Variants in ADGRE5 observed in about 807,000 individuals in gnomAD.
The protein encoded by ADGRE5 is CD97 molecule.
In ADGRE5, 72 loss-of-function variants were observed where a neutral mutation model predicts 100.3. The ratio of observed to expected loss-of-function variants is 0.72; its 90% confidence interval spans 0.59 to 0.87. The LOEUF (loss-of-function observed/expected upper bound fraction) is 0.87. Ranked by LOEUF, ADGRE5 falls within the 40% of genes least tolerant of loss-of-function variation. ADGRE5 has a pLI of 0.00. For synonymous variants in ADGRE5, 439 were observed against 447.8 expected (o/e 0.98, Z 0.25); for missense variants, 959 against 1,094.7 (o/e 0.88, Z 1.75).
In ADGRE5 at chr19:14,406,949, A is replaced by C; in HGVS notation, c.2196A>C (p.Leu732Phe). Residue 732 changes from leucine (L) to phenylalanine (F), a missense_variant, in exon 17 of 20, where the codon TTA becomes TTC. Physicochemically the swap from Leu to Phe is conservative, Grantham distance 22. Coordinates refer to ENST00000242786, the MANE Select transcript of ADGRE5 (RefSeq NM_078481.4). The surrounding 1 kb of genome is among the most constrained non-coding windows in gnomAD (Gnocchi z 6.0). ...FSEINPDMKK[L>F]KKARALTITA... ...AAATCAATCCAGACATGAAGAAATT[A>C]AAGAAGGCGAGGTGAGAGGAGAGGC... 1.2e-6 allele frequency: 2 copies of C among 1,614,100 alleles called. No individual in the cohort carries two copies. Among genetic ancestry groups the C allele is most frequent in the Non-Finnish European group, 1.7e-6 (2 of 1,179,952 alleles).
intron 1 of ADGRE5, among the ~76,000 whole-genome samples, chr19:14,382,064 C>T (rs1225489383): frequency 6.6e-6 from 1 of 152,160 alleles, no homozygotes; most frequent in Non-Finnish European, 1.5e-5. Flanking sequence ...AGCTGCGGAT[C>T]GAAGGGACTT....
At chr19:14,382,917 G>A (rs1387008114) in intron 1 of ADGRE5, among the ~76,000 whole-genome samples, 1 of 151,974 alleles carries the variant, frequency 6.6e-6, no homozygotes. Context: ...TGTATTTTTA[G>A]TAGAGACGGG....
At chr19:14,393,068 G>T (rs1364998231) in intron 4 of ADGRE5, among the ~76,000 whole-genome samples, 2 of 152,080 alleles carry the variant, frequency 1.3e-5, no homozygotes, top group Non-Finnish European at 2.9e-5. Flanking sequence ...AGGCATGGTG[G>T]CCGGCATCTG....
At position 14,408,010 on chromosome 19, in the gene ADGRE5, G is replaced by C; in HGVS notation, c.2478+1G>C. The C allele has an allele frequency of 6.2e-7, 1 of 1,614,152 alleles. No homozygotes were observed. The highest frequency in any genetic ancestry group is 8.5e-7 in the Non-Finnish European group (1 of 1,179,994). On this transcript the variant is annotated splice_donor_variant, in intron 19 of 19. Transcript: ENST00000242786. LOFTEE classifies it high-confidence loss of function. Reference sequence around the variant, plus strand: ...TGGCACTGGCCACAATCAGACCCGGGTAAGGGGCTGCGCCTGGGGCGGGTG... The same window carrying C: ...TGGCACTGGCCACAATCAGACCCGGCTAAGGGGCTGCGCCTGGGGCGGGTG...
chr19:14,398,415 A>G (rs1347773860), intron 9 of ADGRE5: 7 of 409,754 alleles, frequency 1.7e-5, no homozygotes, highest in Non-Finnish European at 3.2e-5. Flanking sequence ...CACGCCTGTA[A>G]TCCCAGCACT....
In ADGRE5 at chr19:14,401,303, C is replaced by G. The variant is rs1397457659; in HGVS notation, c.898-83C>G. ...GTGCCTGTGGGTCTCCAGTGTGTCC[C>G]CTGGTAGGGGGTGACATCCAGGTCC... On this transcript the variant is annotated intron_variant, in intron 9 of 19. Coordinates refer to ENST00000242786, the MANE Select transcript of ADGRE5 (RefSeq NM_078481.4). This position sits in a 1 kb window ranked among gnomAD's most constrained non-coding sequence, Gnocchi z 4.1. 3 of 1,249,956 alleles carry G rather than the reference C, an allele frequency of 2.4e-6. No individual in the cohort carries two copies. The Admixed American group carries it at 6.8e-5, about 28-fold the overall frequency. 77.4% of individuals were successfully genotyped at this position (1,249,956 alleles called of 1,614,324 possible). A position where few individuals can be genotyped will look rare whatever the true frequency, so the allele number is the denominator to read the frequency against.
rs988431351 is a variant in ADGRE5 at position 14,381,498 on chromosome 19, T to A, written c.-26T>A. The A allele has an allele frequency of 7.5e-6, 12 of 1,609,910 alleles. No homozygotes were observed. In the African/African-American group the frequency reaches 1.6e-4, roughly 22 times the overall value. ...GCCCTGTCCCACTCACTCTTTCCCC[T>A]GCCGCTCCTGCCGGCAGCTCCAACC... On this transcript the variant is annotated 5_prime_UTR_variant, in exon 1 of 20. Transcript: ENST00000242786.
chr19:14,402,672 C>T lies in ADGRE5; in HGVS notation c.1259C>T (p.Ser420Phe), dbSNP rs768411293. Residue 420 changes from serine (S) to phenylalanine (F), a missense_variant, in exon 12 of 20, where the codon TCC becomes TTC. By Grantham distance (155) the Ser-to-Phe change is radical (BLOSUM62 -2). Coordinates refer to ENST00000242786, the MANE Select transcript of ADGRE5 (RefSeq NM_078481.4). ...GCCAATGCCTCCTTGAACCTGCATTCCAAGAAGCAAGCCGAACTGGAGGAG... is the reference window on the plus strand; with the variant it reads ...GCCAATGCCTCCTTGAACCTGCATTTCAAGAAGCAAGCCGAACTGGAGGAG... ...LLANASLNLH[S>F]KKQAELEEIY... 15 of 1,614,018 alleles carry T rather than the reference C, an allele frequency of 9.3e-6. No homozygotes were observed. Among genetic ancestry groups the T allele is most frequent in the Non-Finnish European group, 1.3e-5 (15 of 1,180,002 alleles).
chr19:14,385,399 GTCTC>G lies in ADGRE5; in HGVS notation c.23-3039_23-3036del, dbSNP rs879416523. Among the ~76,000 whole-genome samples the G allele has an allele frequency of 2.1e-3, 318 of 151,086 alleles. 2 individuals carry two copies. The highest frequency in any genetic ancestry group is 7.3e-3 in the African/African-American group (302 of 41,218). ...TCTGACTCTTTCTCTCTCTCTGTCT[GTCTC>G]TCTCTCTCTCTAATCTCTATTTTCT... On this transcript the variant is annotated intron_variant, in intron 1 of 19. Transcript: ENST00000242786.
chr19:14,383,133 G>A (rs1321180065), intron 1 of ADGRE5, among the ~76,000 whole-genome samples: 1 of 152,160 alleles, frequency 6.6e-6, no homozygotes, highest in Admixed American at 6.6e-5. Context: ...AGCCCAGGAG[G>A]TTGAAGCTGC....
chr19:14,402,604 C>T lies in ADGRE5; in HGVS notation c.1191C>T (p.Ala397=), dbSNP rs760757672. 6.8e-6 allele frequency: 11 copies of T among 1,614,028 alleles called. No individual in the cohort carries two copies. The highest frequency in any genetic ancestry group is 1.7e-5 in the Admixed American group (1 of 59,996). ...AGTGTGTCTGTTCCCCAGGCCCCGC[C>T]GTGGCGGGCATCCTCTCCATCCAGA... The part of the protein sequence containing the change: ...VAAGAEDPGP[A]VAGILSIQNM... The change falls in exon 12 of 20, where the codon GCC becomes GCT. Residue 397 remains alanine (A), a synonymous_variant. Transcript: ENST00000242786.
In ADGRE5 at chr19:14,390,987, C is replaced by T. The variant is rs11544196; in HGVS notation, c.254C>T (p.Thr85Ile). Residue 85 changes from threonine (T) to isoleucine (I), a missense_variant, in exon 4 of 20, where the codon ACA (threonine) becomes ATA (isoleucine). Thr to Ile is a moderately conservative substitution (Grantham distance 89). This residue lies in a region of ADGRE5 where 114 missense variants were observed against 195.7 expected (regional missense o/e 0.58). Transcript: ENST00000242786. ...GGAAAATTCTCGGACTGCTGGAACA[C>T]AGAGGGGAGCTACGACTGCGTGTGC... ...SCGKFSDCWN[T>I]EGSYDCVCSP... 1.9e-6 allele frequency: 3 copies of T among 1,614,080 alleles called. No homozygotes were observed. Among genetic ancestry groups the T allele is most frequent in the Non-Finnish European group, 2.5e-6 (3 of 1,180,046 alleles).
chr19:14,386,858 C>A (rs1975376030), intron 1 of ADGRE5, among the ~76,000 whole-genome samples: 2 of 150,978 alleles, frequency 1.3e-5, no homozygotes, highest in African/African-American at 4.9e-5. Flanking sequence ...TACAAAAATA[C>A]AAAAAAATCA....
chr19:14,391,178 G>A (rs1232014156), intron 4 of ADGRE5, 99 bp downstream of exon 4: 5 of 1,498,308 alleles, frequency 3.3e-6, no homozygotes, highest in Non-Finnish European at 4.6e-6. Context: ...TGGTTGTAGG[G>A]TCAGTGCCTG....
chr19:14,383,978 C>T (rs1178843720), intron 1 of ADGRE5, among the ~76,000 whole-genome samples: 2 of 152,104 alleles, frequency 1.3e-5, no homozygotes, highest in Admixed American at 6.6e-5. Context: ...ATCAACACAG[C>T]CCCTGCCTCC....
At position 14,406,279 on chromosome 19, in the gene ADGRE5, C is replaced by T; in HGVS notation, c.1822-52C>T. The T allele has an allele frequency of 1.4e-6, 2 of 1,387,314 alleles. No individual in the cohort carries two copies. Among genetic ancestry groups the T allele is most frequent in the South Asian group, 2.6e-5 (2 of 76,226 alleles). The allele number at this position is 1,387,314 out of a possible 1,614,324, so 85.9% of individuals were successfully genotyped here. A position where few individuals can be genotyped will look rare whatever the true frequency, so the allele number is the denominator to read the frequency against. ...TGGCAGGCGACTGGCTCTGGCGCCG[C>T]ATGCCCCTCCCCGCGCTGACGTCGC... On this transcript the variant is annotated intron_variant, in intron 14 of 19. Transcript: ENST00000242786. The surrounding 1 kb of genome is among the most constrained non-coding windows in gnomAD (Gnocchi z 6.0).
At chr19:14,399,278 C>T (rs1210459254) in intron 9 of ADGRE5, among the ~76,000 whole-genome samples, 4 of 151,396 alleles carry the variant, frequency 2.6e-5, no homozygotes, top group Admixed American at 2.0e-4. Context: ...TAAAAGCTTT[C>T]CTGGCCAAGC....
At position 14,397,139 on chromosome 19, in the gene ADGRE5, G is replaced by A. The variant is rs202133027; in HGVS notation, c.541G>A (p.Val181Met). 3.7e-6 allele frequency: 6 copies of A among 1,613,962 alleles called. No homozygotes were observed. The Admixed American group carries it at 6.7e-5, about 18-fold the overall frequency. The part of the protein sequence containing the change: ...CHSSTHCLNN[V>M]GSYQCRCRPG... ...CAGCTCCACCCACTGCCTCAACAAC[G>A]TGGGCAGCTATCAGTGCCGCTGCCG... The change falls in exon 6 of 20, where the codon GTG (valine) becomes ATG (methionine). Residue 181 changes from valine to methionine, a missense_variant. Val to Met is a conservative substitution (Grantham distance 21). Transcript: ENST00000242786.
At position 14,381,511 on chromosome 19, in the gene ADGRE5, G is replaced by A. The variant is rs767776449; in HGVS notation, c.-13G>A. The A allele has an allele frequency of 6.2e-7, 1 of 1,609,908 alleles. No homozygotes were observed. Among genetic ancestry groups the A allele is most frequent in the South Asian group, 1.1e-5 (1 of 90,946 alleles). On this transcript the variant is annotated 5_prime_UTR_variant, in exon 1 of 20. Transcript: ENST00000242786. The stretch of plus-strand genomic sequence containing the variant: ...CACTCTTTCCCCTGCCGCTCCTGCC[G>A]GCAGCTCCAACCATGGGAGGCCGCG...
Sources: allele counts gnomAD v4.1 joint callset (sites outside exome capture counted in the v4.1 genomes callset), GRCh38; gene constraint gnomAD v4.1.1; regional missense constraint gnomAD v4.1.1; non-coding constraint Gnocchi (gnomAD v3.1); transcripts MANE v1.5; gene names NCBI Gene and HGNC (gene_info 2026-07-23, HGNC 2026-07-21).